The following BTBD10 variants were observed in gnomAD, a reference collection of about 807,000 sequenced individuals.
BTBD10 encodes BTB domain containing 10, also known as BTB/POZ domain-containing protein 10.
Under a neutral mutation model 53.2 loss-of-function variants are expected in BTBD10, and 21 were observed. That is an observed-to-expected ratio of 0.39 (90% CI 0.28 to 0.57). The LOEUF (loss-of-function observed/expected upper bound fraction) is 0.57. Ranked by LOEUF, BTBD10 falls within the 20% of genes least tolerant of loss-of-function variation. The probability of loss-of-function intolerance (pLI) is 0.53; values close to 1 mark genes in which losing one functional copy is unlikely to be tolerated. For missense variants in BTBD10, 360 were observed against 594.7 expected (o/e 0.61, Z 4.10); for synonymous variants, 149 against 192.7 (o/e 0.77, Z 1.88).
At chr11:13,410,446 G>C (rs559936159) in intron 6 of BTBD10, among the ~76,000 whole-genome samples, 1 of 152,072 alleles carries the variant, frequency 6.6e-6, no homozygotes, top group Non-Finnish European at 1.5e-5. Context: ...ATGTTGCCTA[G>C]GATGATTTCG....
intron 8 of BTBD10, among the ~76,000 whole-genome samples, chr11:13,398,373 T>C (rs1949614555): frequency 1.3e-5 from 2 of 151,916 alleles, no homozygotes; most frequent in Non-Finnish European, 2.9e-5. Flanking sequence ...ACCCCTGCCT[T>C]TTTTTGTTTT....
chr11:13,417,026 T>C lies in BTBD10; in HGVS notation c.687+132A>G. On this transcript the variant is annotated intron_variant, in intron 5 of 8. Transcript: ENST00000278174. ...TAAACAAAATAAAATAAAGATGAAT[T>C]AAATGGTATTTAAGGAAAAACAATA... 4 of 591,532 alleles carry C rather than the reference T, an allele frequency of 6.8e-6. No homozygotes were observed. The South Asian group carries it at 1.2e-4, about 18-fold the overall frequency. 36.6% of individuals were successfully genotyped at this position (591,532 alleles called of 1,614,324 possible). A position where few individuals can be genotyped will look rare whatever the true frequency, so the allele number is the denominator to read the frequency against.
chr11:13,414,827 G>C (rs560316606), intron 5 of BTBD10, among the ~76,000 whole-genome samples: 2 of 124,710 alleles, frequency 1.6e-5, no homozygotes, highest in Non-Finnish European at 3.2e-5. Flanking sequence ...GCGACGGAGC[G>C]AGCCTCCATC....
intron 1 of BTBD10, among the ~76,000 whole-genome samples, chr11:13,462,017 T>C (rs150179671): frequency 7.8e-4 from 118 of 151,798 alleles, no homozygotes; most frequent in African/African-American, 2.8e-3. Context: ...TATATTCAAA[T>C]GACAACTGCA....
intron 4 of BTBD10, among the ~76,000 whole-genome samples, chr11:13,419,177 T>C (rs1950190078): frequency 6.6e-6 from 1 of 152,132 alleles, no homozygotes; most frequent in South Asian, 2.1e-4. Context: ...TCTCAATCTG[T>C]AAAGATATTT....
intron 4 of BTBD10, among the ~76,000 whole-genome samples, chr11:13,418,157 C>A (rs1326932595): frequency 2.0e-5 from 3 of 148,490 alleles, no homozygotes; most frequent in Non-Finnish European, 1.5e-5. Flanking sequence ...AAACTATGAA[C>A]AACAAAGCTT....
At chr11:13,422,471 A>G (rs531017643) in intron 2 of BTBD10, among the ~76,000 whole-genome samples, 1 of 152,258 alleles carries the variant, frequency 6.6e-6, no homozygotes, top group South Asian at 2.1e-4. Context: ...AACATGGCAA[A>G]ACCCTGTCTC....
At chr11:13,420,471 A>G (rs927256210) in intron 3 of BTBD10, among the ~76,000 whole-genome samples, 1 of 152,144 alleles carries the variant, frequency 6.6e-6, no homozygotes, top group Non-Finnish European at 1.5e-5. Flanking sequence ...AAATATTGTT[A>G]AAATTCAGAA....
chr11:13,452,618 GACAT>G (rs962907509), intron 1 of BTBD10, among the ~76,000 whole-genome samples: 10 of 151,932 alleles, frequency 6.6e-5, no homozygotes, highest in Admixed American at 5.9e-4. Flanking sequence ...TGCCACAAAC[GACAT>G]ACATAAACTT....
intron 6 of BTBD10, among the ~76,000 whole-genome samples, chr11:13,408,885 A>G (rs1949882360): frequency 6.6e-6 from 1 of 152,216 alleles, no homozygotes; most frequent in Non-Finnish European, 1.5e-5. Context: ...TTAACACAAC[A>G]GCCAAAAGTG....
chr11:13,428,576 G>A (rs1950390305), intron 2 of BTBD10, among the ~76,000 whole-genome samples: 2 of 150,888 alleles, frequency 1.3e-5, no homozygotes, highest in Non-Finnish European at 3.0e-5. Context: ...AAAAGAAAGT[G>A]GAAAAAAATA....
At chr11:13,458,633 G>T (rs560944101) in intron 1 of BTBD10, among the ~76,000 whole-genome samples, 1 of 152,256 alleles carries the variant, frequency 6.6e-6, no homozygotes, top group South Asian at 2.1e-4. Flanking sequence ...AGTATTAATG[G>T]TTTTAAAGTT....
chr11:13,396,771 A>C (rs2135744466), intron 8 of BTBD10, among the ~76,000 whole-genome samples: 1 of 152,318 alleles, frequency 6.6e-6, no homozygotes, highest in Non-Finnish European at 1.5e-5. Context: ...ATTTTATCAA[A>C]GGCCTTTTCT....
At chr11:13,445,343 CA>C (rs1052071920) in intron 1 of BTBD10, among the ~76,000 whole-genome samples, 162 bp from the exon 2 acceptor site, 2 of 151,946 alleles carry the variant, frequency 1.3e-5, no homozygotes, top group Admixed American at 1.3e-4. Context: ...AAATAAACAC[CA>C]GGGGTCTTCT....
intron 1 of BTBD10, among the ~76,000 whole-genome samples, chr11:13,455,811 G>A (rs953668333): frequency 3.9e-5 from 6 of 152,128 alleles, no homozygotes; most frequent in Non-Finnish European, 7.4e-5. Flanking sequence ...TTCCTTCCAT[G>A]ATGCTTTATG....
chr11:13,450,582 A>C (rs770377456), intron 1 of BTBD10, among the ~76,000 whole-genome samples: 14 of 152,216 alleles, frequency 9.2e-5, no homozygotes, highest in Non-Finnish European at 8.8e-5. Context: ...ATCTACTCTA[A>C]ATTCTCCCAT....
intron 1 of BTBD10, among the ~76,000 whole-genome samples, chr11:13,453,316 C>T (rs1288731282): frequency 6.6e-6 from 1 of 151,988 alleles, no homozygotes; most frequent in Non-Finnish European, 1.5e-5. Context: ...ATTAAATACA[C>T]ATACACACAC....
At chr11:13,450,945 C>A (rs917953265) in intron 1 of BTBD10, among the ~76,000 whole-genome samples, 1 of 152,170 alleles carries the variant, frequency 6.6e-6, no homozygotes, top group African/African-American at 2.4e-5. Flanking sequence ...AACAGAATCA[C>A]GAGTTCAGTT....
chr11:13,445,375 T>G (rs1024399814), intron 1 of BTBD10, among the ~76,000 whole-genome samples, 194 bp from the exon 2 acceptor site: 23 of 152,210 alleles, frequency 1.5e-4, no homozygotes, highest in Admixed American at 1.5e-3. Context: ...TCATTTGATT[T>G]GTCTATTAAA....
Sources: gnomAD v4.1 joint callset for allele counts (sites outside exome capture counted in the v4.1 genomes callset) on GRCh38, gnomAD v4.1.1 for gene constraint, MANE v1.5 for transcripts, NCBI Gene and HGNC (gene_info 2026-07-23, HGNC 2026-07-21) for gene names.